Variants in CCSER1 observed in about 807,000 individuals in gnomAD.
CCSER1 encodes serine-rich coiled-coil domain-containing protein 1.
Under a neutral mutation model 82.0 loss-of-function variants are expected in CCSER1, and 41 were observed. The observed-to-expected ratio is 0.50, with a 90% CI of 0.39 to 0.65. The LOEUF (loss-of-function observed/expected upper bound fraction) is 0.65. Among genes scored for constraint, CCSER1 ranks in the 30% least tolerant of loss-of-function variants. CCSER1 has a pLI of 0.00. For synonymous variants in CCSER1, 414 were observed against 383.9 expected, an observed-to-expected ratio of 1.08 and a Z score of -0.92; for missense variants, 1,119 against 1,064.2, an observed-to-expected ratio of 1.05 and a Z score of -0.72.
chr4:90,635,319 A>G (rs1246258024), intron 6 of CCSER1, among the ~76,000 whole-genome samples: 1 of 151,710 alleles, frequency 6.6e-6, no homozygotes, highest in Non-Finnish European at 1.5e-5. Context: ...TGGGTCACAC[A>G]ATAAGTCCCA....
At chr4:90,877,698 A>T (rs1472381629) in intron 8 of CCSER1, among the ~76,000 whole-genome samples, 1 of 151,834 alleles carries the variant, frequency 6.6e-6, no homozygotes, top group East Asian at 1.9e-4. Context: ...GGAATGGAGA[A>T]TAGAAGGAAA....
chr4:91,601,392 T>C lies in CCSER1; in HGVS notation c.*2335T>C, dbSNP rs780547130. On this transcript the variant is annotated 3_prime_UTR_variant, in exon 11 of 11. Coordinates refer to ENST00000509176, the MANE Select transcript of CCSER1 (RefSeq NM_001145065.2). ...TTAAAGCTGTTTTGTATCAGTATTT[T>C]CAACATTGTTATAATATTATTTGTA... is the stretch of plus-strand genomic sequence containing the variant. The C allele has an allele frequency of 1.3e-5, 2 of 152,070 alleles. No homozygotes were observed. Among genetic ancestry groups the C allele is most frequent in the African/African-American group, 2.4e-5 (1 of 41,430 alleles). 9.4% of individuals were successfully genotyped at this position (152,070 alleles called of 1,614,324 possible). A position where few individuals can be genotyped will look rare whatever the true frequency, so the allele number is the denominator to read the frequency against.
chr4:91,124,873 A>C (rs1441233356), intron 10 of CCSER1, among the ~76,000 whole-genome samples: 1 of 151,704 alleles, frequency 6.6e-6, no homozygotes, highest in Admixed American at 6.6e-5. Flanking sequence ...ATGAATTTAA[A>C]TTTTATGATA....
At chr4:91,353,047 C>T (rs1011307315) in intron 10 of CCSER1, among the ~76,000 whole-genome samples, 6 of 152,224 alleles carry the variant, frequency 3.9e-5, no homozygotes, top group South Asian at 2.1e-4. Flanking sequence ...GAGAAGGAAT[C>T]GATGTGAAAA....
chr4:90,397,395 A>G (rs954361238), intron 3 of CCSER1, among the ~76,000 whole-genome samples: 4 of 152,238 alleles, frequency 2.6e-5, no homozygotes, highest in Non-Finnish European at 5.9e-5. Context: ...AAAATATTTT[A>G]AAATTTTATT....
At chr4:90,767,592 G>A (rs548858438) in intron 7 of CCSER1, among the ~76,000 whole-genome samples, 77 of 152,236 alleles carry the variant, frequency 5.1e-4, no homozygotes, top group Non-Finnish European at 9.1e-4. Context: ...TATAAAGTTA[G>A]ATCATTCATA....
chr4:91,119,805 G>A (rs1309292355), intron 10 of CCSER1, among the ~76,000 whole-genome samples: 2 of 151,986 alleles, frequency 1.3e-5, no homozygotes, highest in African/African-American at 4.8e-5. Flanking sequence ...CATATATTGT[G>A]TAGTGTGCAT....
chr4:90,955,478 C>CT (rs1485992599), intron 9 of CCSER1, among the ~76,000 whole-genome samples: 1 of 152,154 alleles, frequency 6.6e-6, no homozygotes, highest in Non-Finnish European at 1.5e-5. Flanking sequence ...TAAACACTCC[C>CT]TCACACTGCT....
At chr4:91,449,614 C>T (rs572417962) in intron 10 of CCSER1, among the ~76,000 whole-genome samples, 4 of 152,116 alleles carry the variant, frequency 2.6e-5, no homozygotes, top group Admixed American at 6.6e-5. Flanking sequence ...AATTGTAGGG[C>T]GGACCTCATT....
chr4:90,490,549 A>G (rs565597835), intron 5 of CCSER1, among the ~76,000 whole-genome samples: 29 of 151,974 alleles, frequency 1.9e-4, no homozygotes, highest in Non-Finnish European at 3.7e-4. Flanking sequence ...TGCCAATTTT[A>G]GCTTTTGTTG....
At chr4:91,143,138 T>G (rs892074333) in intron 10 of CCSER1, among the ~76,000 whole-genome samples, 1 of 152,280 alleles carries the variant, frequency 6.6e-6, no homozygotes, top group Non-Finnish European at 1.5e-5. Flanking sequence ...CATTTGTTTA[T>G]GTCATCACTG....
chr4:90,255,548 A>G (rs986969366), intron 1 of CCSER1, among the ~76,000 whole-genome samples: 2 of 152,188 alleles, frequency 1.3e-5, no homozygotes, highest in Non-Finnish European at 2.9e-5. Context: ...ACAATGGTAA[A>G]TGAAAAATTT....
chr4:91,310,460 T>C (rs1745391390), intron 10 of CCSER1, among the ~76,000 whole-genome samples: 1 of 151,520 alleles, frequency 6.6e-6, no homozygotes, highest in Non-Finnish European at 1.5e-5. Flanking sequence ...TTGGGCCACA[T>C]TCAAAATTGT....
chr4:91,050,888 A>G (rs1742952676), intron 9 of CCSER1, among the ~76,000 whole-genome samples: 1 of 152,204 alleles, frequency 6.6e-6, no homozygotes, highest in Non-Finnish European at 1.5e-5. Context: ...GAAAACAGAC[A>G]AGAAATTTGG....
At chr4:91,553,656 G>A (rs1441848905) in intron 10 of CCSER1, among the ~76,000 whole-genome samples, 1 of 150,518 alleles carries the variant, frequency 6.6e-6, no homozygotes, top group Admixed American at 6.7e-5. Context: ...TTGGTAGGTT[G>A]CATTTTTCTA....
intron 8 of CCSER1, among the ~76,000 whole-genome samples, chr4:90,823,025 G>C (rs1759966758): frequency 6.6e-6 from 1 of 151,850 alleles, no homozygotes; most frequent in Non-Finnish European, 1.5e-5. Flanking sequence ...TTCAATGCTA[G>C]TGAAATTTAA....
chr4:91,476,866 A>C (rs942493917), intron 10 of CCSER1, among the ~76,000 whole-genome samples: 2 of 151,758 alleles, frequency 1.3e-5, no homozygotes, highest in Non-Finnish European at 1.5e-5. Flanking sequence ...ATTCATATGC[A>C]GAAGAATGAA....
intron 9 of CCSER1, among the ~76,000 whole-genome samples, chr4:90,949,248 G>A (rs894859980): frequency 1.3e-5 from 2 of 152,040 alleles, no homozygotes; most frequent in African/African-American, 4.8e-5. Flanking sequence ...GCAATCTGCT[G>A]CATAGCAACC....
chr4:90,234,650 T>C lies in CCSER1; in HGVS notation c.-41-73594T>C, dbSNP rs375085575. Among the ~76,000 whole-genome samples the C allele has an allele frequency of 3.3e-5, 5 of 152,312 alleles. No homozygotes were observed. The East Asian group carries it at 9.6e-4, about 29-fold the overall frequency. The stretch of plus-strand genomic sequence containing the variant: ...CTACATTTTTCAAGCTGATCATTAT[T>C]GAGTCCCTATTATCTGACAGATACT... On this transcript the variant is annotated intron_variant, in intron 1 of 10. Coordinates refer to ENST00000509176, the MANE Select transcript of CCSER1 (RefSeq NM_001145065.2).
Sources: allele counts gnomAD v4.1 joint callset (sites outside exome capture counted in the v4.1 genomes callset), GRCh38; gene constraint gnomAD v4.1.1; transcripts MANE v1.5; gene names NCBI Gene and HGNC (gene_info 2026-07-23, HGNC 2026-07-21).